Variants in RIMS3 observed in about 807,000 individuals in gnomAD.
RIMS3 encodes the protein regulating synaptic membrane exocytosis protein 3.
In RIMS3, 15 loss-of-function variants were observed where a neutral mutation model predicts 29.2. That is an observed-to-expected ratio of 0.51 (90% confidence interval 0.34 to 0.79). The LOEUF (loss-of-function observed/expected upper bound fraction) is 0.79. RIMS3 is among the 30% of genes least tolerant of loss of function. RIMS3 has a pLI of 0.01. For missense variants in RIMS3, 342 were observed against 421.4 expected (o/e 0.81, Z 1.65); for synonymous variants, 161 against 170.1 (o/e 0.95, Z 0.41).
the RIMS3 span, chr1:40,691,619 G>T: frequency 5.2e-6 from 2 of 381,000 alleles, no homozygotes; most frequent in African/African-American, 2.2e-5. Context: ...ATTCTCGCGA[G>T]ACCTCAAGGA....
At chr1:40,667,885 T>C (rs1372066087), upstream of RIMS3, among the ~76,000 whole-genome samples, 1 of 152,078 alleles carries the variant, frequency 6.6e-6, no homozygotes, top group Non-Finnish European at 1.5e-5. Flanking sequence ...TCCCAAAACT[T>C]TGGGAGGTTG....
intron 5 of RIMS3, among the ~76,000 whole-genome samples, chr1:40,631,963 G>C (rs1038931146): frequency 1.3e-5 from 2 of 152,156 alleles, no homozygotes; most frequent in African/African-American, 4.8e-5. Context: ...GCAACAGAGT[G>C]AGACTCCATC....
chr1:40,691,793 G>C, the RIMS3 span: 1 of 451,544 alleles, frequency 2.2e-6, no homozygotes, highest in Non-Finnish European at 4.5e-6. Context: ...CCTCCGCCGC[G>C]CCTGGGCCTC....
intron 1 of RIMS3, among the ~76,000 whole-genome samples, chr1:40,653,879 C>T (rs1289700622): frequency 6.6e-6 from 1 of 152,158 alleles, no homozygotes; most frequent in Non-Finnish European, 1.5e-5. Flanking sequence ...CCAGGCAAAC[C>T]CAGTCGTATA....
Position 40,635,317 on chromosome 1 carries a change from CA to C in RIMS3, c.359+598del, listed in dbSNP as rs1326380340. On this transcript the variant is annotated intron_variant, in intron 4 of 7. Transcript: ENST00000372684. This position sits in a 1 kb window ranked among gnomAD's most constrained non-coding sequence, Gnocchi z 4.1. ...AGAAAGGAGATTTAACATCATGACCCAGGACAGACCTGTGTGCATCTATACA... is the reference window on the plus strand; with the variant it reads ...AGAAAGGAGATTTAACATCATGACCCGGACAGACCTGTGTGCATCTATACA... Among the ~76,000 whole-genome samples, 3 of 152,204 alleles carry C rather than the reference CA, an allele frequency of 2.0e-5. No homozygotes were observed. Among genetic ancestry groups the C allele is most frequent in the Non-Finnish European group, 4.4e-5 (3 of 68,036 alleles).
intron 1 of RIMS3, among the ~76,000 whole-genome samples, chr1:40,656,087 G>GGCTAGGGGCAGTGGCTCACACCCATA: frequency 6.6e-6 from 1 of 152,160 alleles, no homozygotes; most frequent in South Asian, 2.1e-4. Context: ...TTGACACTCT[G>GGCTAGGGGCAGTGGCTCACACCCATA]GCTAGGGGCA....
At chr1:40,659,008 G>C (rs1642312094) in intron 1 of RIMS3, among the ~76,000 whole-genome samples, 1 of 152,222 alleles carries the variant, frequency 6.6e-6, no homozygotes, top group African/African-American at 2.4e-5. Context: ...GCCCAGTGCA[G>C]TGGGAGACAG....
intron 2 of RIMS3, among the ~76,000 whole-genome samples, chr1:40,646,595 C>A (rs1273071025): frequency 6.6e-6 from 1 of 152,150 alleles, no homozygotes; most frequent in Non-Finnish European, 1.5e-5. Context: ...CTGCTGACTC[C>A]CAGCTATTGC....
At chr1:40,669,285 G>T (rs941980464), upstream of RIMS3, 2 of 152,122 alleles carry the variant, frequency 1.3e-5, no homozygotes, top group Non-Finnish European at 2.9e-5. Flanking sequence ...TTTGATGGAC[G>T]GAAACTGAGG....
the RIMS3 span, among the ~76,000 whole-genome samples, chr1:40,682,753 T>TTTTTTTTTTTTTTTTTTTTTTTTTTTTTC: frequency 7.4e-6 from 1 of 134,490 alleles, no homozygotes; most frequent in Non-Finnish European, 1.6e-5. Flanking sequence ...TTTTTTTTTT[T>TTTTTTTTTTTTTTTTTTTTTTTTTTTTTC]TTTTTGAGAT....
chr1:40,670,441 C>T (rs1051018793), upstream of RIMS3, among the ~76,000 whole-genome samples: 1 of 151,448 alleles, frequency 6.6e-6, no homozygotes. Flanking sequence ...CCTGAAGTTG[C>T]TTCTCTGAGT....
At chr1:40,645,158 C>T (rs549602571) in intron 2 of RIMS3, among the ~76,000 whole-genome samples, 1 of 152,266 alleles carries the variant, frequency 6.6e-6, no homozygotes, top group African/African-American at 2.4e-5. Context: ...TGGAAAGTCC[C>T]CCTGGACTGG....
At chr1:40,659,845 A>C (rs568606284) in intron 1 of RIMS3, among the ~76,000 whole-genome samples, 1 of 152,302 alleles carries the variant, frequency 6.6e-6, no homozygotes, top group Non-Finnish European at 1.5e-5. Flanking sequence ...GAGTGGCAGA[A>C]GAAGACACAA....
rs574856061 is a variant in RIMS3 at position 40,636,068 on chromosome 1, C to G, written c.218-11G>C. On this transcript the variant is annotated splice_polypyrimidine_tract_variant and intron_variant, in intron 3 of 7. Transcript: ENST00000372684. The surrounding 1 kb of genome is among the most constrained non-coding windows in gnomAD (Gnocchi z 4.2). Reference sequence around the variant, plus strand: ...TCTTGGTGGCCCCTTCTGTGACCCCCCCAACCCCAAGCACAGAGAGGGAAC... The same window carrying G: ...TCTTGGTGGCCCCTTCTGTGACCCCGCCAACCCCAAGCACAGAGAGGGAAC... 16 of 1,602,042 alleles carry G rather than the reference C, an allele frequency of 1.0e-5. No homozygotes were observed. In the South Asian group the frequency reaches 1.6e-4, roughly 16 times the overall value.
In RIMS3 at chr1:40,623,462, C is replaced by G; in HGVS notation, c.*3055G>C. On this transcript the variant is annotated 3_prime_UTR_variant, in exon 8 of 8. Coordinates refer to ENST00000372684, the MANE Select transcript of RIMS3 (RefSeq NM_014747.3). ...TGTCCCTGCCCACAACCCAACATCACTGCAGGGCCACTCCTGTCTCTGCCA... is the reference window on the plus strand; with the variant it reads ...TGTCCCTGCCCACAACCCAACATCAGTGCAGGGCCACTCCTGTCTCTGCCA... 2.5e-6 allele frequency: 1 copy of G among 398,716 alleles called. No homozygotes were observed. The highest frequency in any genetic ancestry group is 4.4e-6 in the Non-Finnish European group (1 of 226,128). 24.7% of individuals were successfully genotyped at this position (398,716 alleles called of 1,614,324 possible).
At position 40,650,696 on chromosome 1, in the gene RIMS3, TA is replaced by T. The variant is rs1186374949; in HGVS notation, c.-206-2855del. On this transcript the variant is annotated intron_variant, in intron 1 of 7. Transcript: ENST00000372684. Reference sequence around the variant, plus strand: ...GAGCAACACGGTAAAACCTCATCTCTAAAAAAAAAAAATACAAAAATTAGCC... The same window carrying T: ...GAGCAACACGGTAAAACCTCATCTCTAAAAAAAAAAATACAAAAATTAGCC... Among the ~76,000 whole-genome samples, 430 of 141,464 alleles carry T rather than the reference TA, an allele frequency of 3.0e-3. 1 individual carries two copies. The highest frequency in any genetic ancestry group is 5.5e-3 in the African/African-American group (210 of 38,526). 92.8% of individuals were successfully genotyped at this position (141,464 alleles called of 152,430 possible).
intron 1 of RIMS3, among the ~76,000 whole-genome samples, chr1:40,656,678 G>A (rs1642277562): frequency 6.6e-6 from 1 of 151,846 alleles, no homozygotes; most frequent in African/African-American, 2.4e-5. Flanking sequence ...AGCTACTCGG[G>A]AAGCTGTGGC....
At chr1:40,682,431 T>G in the RIMS3 span, among the ~76,000 whole-genome samples, 2 of 152,140 alleles carry the variant, frequency 1.3e-5, no homozygotes, top group African/African-American at 4.8e-5. Flanking sequence ...ACCCCACCTT[T>G]GGCTTCACAC....
chr1:40,669,081 A>G (rs1332788141), upstream of RIMS3: 1 of 152,262 alleles, frequency 6.6e-6, no homozygotes, highest in Non-Finnish European at 1.5e-5. Context: ...TGGCCATCCT[A>G]AGAACTGCAA....
Sources: allele counts gnomAD v4.1 joint callset (sites outside exome capture counted in the v4.1 genomes callset), GRCh38; gene constraint gnomAD v4.1.1; non-coding constraint Gnocchi (gnomAD v3.1); transcripts MANE v1.5; gene names NCBI Gene and HGNC (gene_info 2026-07-23, HGNC 2026-07-21).